Variants in TP53BP2 observed in about 807,000 individuals in gnomAD.
TP53BP2 encodes tumor protein p53 binding protein 2, also known as apoptosis-stimulating of p53 protein 2.
In TP53BP2, 62 loss-of-function variants were observed where a neutral mutation model predicts 126.2. The observed-to-expected ratio is 0.49, with a 90% CI of 0.40 to 0.61. The LOEUF (loss-of-function observed/expected upper bound fraction) is 0.61, where lower values mean the gene tolerates loss of function less well. Ranked by LOEUF, TP53BP2 falls within the 20% of genes least tolerant of loss-of-function variation. The probability of loss-of-function intolerance (pLI) is 0.00; values close to 1 mark genes in which losing one functional copy is unlikely to be tolerated. For synonymous variants in TP53BP2, 485 were observed against 502.9 expected (o/e 0.96, Z 0.48); for missense variants, 1,215 against 1,402.8 (o/e 0.87, Z 2.14).
chr1:223,816,087 A>G (rs1663077838), intron 2 of TP53BP2, among the ~76,000 whole-genome samples: 2 of 152,212 alleles, frequency 1.3e-5, no homozygotes, highest in Non-Finnish European at 2.9e-5. Context: ...CCTATCATTC[A>G]TCATCTCCCC....
At chr1:223,781,734 A>G (rs1661785208) in intron 17 of TP53BP2, among the ~76,000 whole-genome samples, 1 of 152,180 alleles carries the variant, frequency 6.6e-6, no homozygotes, top group Admixed American at 6.5e-5. Flanking sequence ...TCTATCTGAA[A>G]AAAAGACATT....
At position 223,802,595 on chromosome 1, in the gene TP53BP2, T is replaced by C; in HGVS notation, c.996+136A>G. The C allele has an allele frequency of 6.2e-6, 7 of 1,127,530 alleles. No individual in the cohort carries two copies. In the South Asian group the frequency reaches 1.1e-4, roughly 17 times the overall value. 69.8% of individuals were successfully genotyped at this position (1,127,530 alleles called of 1,614,324 possible). Reference sequence around the variant, plus strand: ...AGTAAAAAAGCAGCGGATTGTCTTTTAAGGATCCATAAACAGCATCTGTTT... The same window carrying C: ...AGTAAAAAAGCAGCGGATTGTCTTTCAAGGATCCATAAACAGCATCTGTTT... On this transcript the variant is annotated intron_variant, in intron 8 of 17. Transcript: ENST00000343537.
chr1:223,804,832 G>T (rs976976964), intron 5 of TP53BP2, among the ~76,000 whole-genome samples: 1 of 152,150 alleles, frequency 6.6e-6, no homozygotes, highest in Admixed American at 6.5e-5. Context: ...ATAAAACAGG[G>T]ATGATCAATA....
chr1:223,803,475 AC>A, intron 6 of TP53BP2, 23 bp from the exon 7 acceptor site: 1 of 1,563,426 alleles, frequency 6.4e-7, no homozygotes, highest in Non-Finnish European at 8.7e-7. Context: ...GAGAACAGCA[AC>A]AACAGTTGAA....
chr1:223,805,325 T>C (rs1368903671), intron 5 of TP53BP2, among the ~76,000 whole-genome samples: 2 of 152,174 alleles, frequency 1.3e-5, no homozygotes, highest in Non-Finnish European at 2.9e-5. Context: ...AATTTGTTCT[T>C]CAACAACCAA....
intron 1 of TP53BP2, chr1:223,825,898 A>G (rs1233258946): frequency 6.6e-6 from 1 of 152,258 alleles, no homozygotes; most frequent in East Asian, 1.9e-4. Context: ...ATGGCAAGGG[A>G]AGCGGTTGAT....
intron 1 of TP53BP2, among the ~76,000 whole-genome samples, chr1:223,828,019 T>G (rs1161422089): frequency 6.6e-6 from 1 of 152,226 alleles, no homozygotes; most frequent in African/African-American, 2.4e-5. Context: ...TGAAGCAGTT[T>G]TTATCAGCAT....
intron 1 of TP53BP2, among the ~76,000 whole-genome samples, chr1:223,842,391 G>C (rs998454282): frequency 6.6e-6 from 1 of 152,196 alleles, no homozygotes; most frequent in Non-Finnish European, 1.5e-5. Flanking sequence ...CACATTTGAA[G>C]TGCAGTAGCC....
intron 9 of TP53BP2, among the ~76,000 whole-genome samples, chr1:223,801,208 T>C (rs1013998784): frequency 2.0e-5 from 3 of 152,230 alleles, no homozygotes; most frequent in African/African-American, 7.2e-5. Context: ...GGACTTCAAC[T>C]GCACTCTTTC....
chr1:223,786,101 C>T (rs1661944599), intron 16 of TP53BP2, among the ~76,000 whole-genome samples: 1 of 152,146 alleles, frequency 6.6e-6, no homozygotes, highest in Non-Finnish European at 1.5e-5. Context: ...CTACAGGCAA[C>T]ACGAGTGAAT....
rs375412349 is a variant in TP53BP2, at chr1:223,810,433, C to G, written c.370G>C (p.Gly124Arg). 6.2e-7 allele frequency: 1 copy of G among 1,605,910 alleles called. No homozygotes were observed. The change falls in exon 4 of 18, where the codon GGT (glycine) becomes CGT (arginine). Residue 124 changes from glycine to arginine, a missense_variant and splice_region_variant. By Grantham distance (125) the Gly-to-Arg change is moderately radical. Around this residue, in one of 4 missense-constraint regions of TP53BP2, gnomAD observed 814 missense variants for 853.0 expected, o/e 0.95. Coordinates refer to ENST00000343537, the MANE Select transcript of TP53BP2 (RefSeq NM_001031685.3). Reference protein sequence around the residue: ...VPGEYRRKENGVNSPRMDLTL... With the variant: ...VPGEYRRKENRVNSPRMDLTL... ...TATGGATAAAAACAACAACTTACAC[C>G]GTTCTCCTTTCTTCGATATTCACCA...
At chr1:223,810,654 A>G (rs1463290678) in intron 3 of TP53BP2, 141 bp from the exon 4 acceptor site, 1 of 652,278 alleles carries the variant, frequency 1.5e-6, no homozygotes, top group African/African-American at 1.8e-5. Context: ...TCTAATAGCA[A>G]TGGACTTAAG....
In TP53BP2 at chr1:223,803,301, A is replaced by G. The variant is rs1662593874; in HGVS notation, c.801T>C (p.Ala267=). The change falls in exon 7 of 18, where the codon GCT becomes GCC. Residue 267 remains alanine (A), a synonymous_variant. Transcript: ENST00000343537. ...DSHHDNQSAV[A]ELDRLYKELQ... Reference sequence around the variant, plus strand: ...GCTCCTTATAGAGGCGATCAAGCTCAGCCACTGCAGACTGATTGTCATGGT... The same window carrying G: ...GCTCCTTATAGAGGCGATCAAGCTCGGCCACTGCAGACTGATTGTCATGGT... 1 of 1,612,764 alleles carries G rather than the reference A, an allele frequency of 6.2e-7. No individual in the cohort carries two copies. The highest frequency in any genetic ancestry group is 8.5e-7 in the Non-Finnish European group (1 of 1,179,634).
At chr1:223,795,671 T>C in intron 13 of TP53BP2, 144 bp downstream of exon 13, 2 of 660,736 alleles carry the variant, frequency 3.0e-6, no homozygotes, top group Non-Finnish European at 4.6e-6. Flanking sequence ...ATAAACTGCA[T>C]TATGAAAACA....
chr1:223,784,332 A>C lies in TP53BP2; in HGVS notation c.3164-18T>G. 6.2e-7 allele frequency: 1 copy of C among 1,612,634 alleles called. No homozygotes were observed. The highest frequency in any genetic ancestry group is 2.2e-5 in the East Asian group (1 of 44,862). On this transcript the variant is annotated intron_variant, in intron 16 of 17. Coordinates refer to ENST00000343537, the MANE Select transcript of TP53BP2 (RefSeq NM_001031685.3). ...CTGAACTCCTAAAATCATGACAGTAAGATAAAGCACAGAATATACAACTTG... is the reference window on the plus strand; with the variant it reads ...CTGAACTCCTAAAATCATGACAGTACGATAAAGCACAGAATATACAACTTG...
At chr1:223,782,850 G>A (rs1661819100) in intron 17 of TP53BP2, among the ~76,000 whole-genome samples, 1 of 152,126 alleles carries the variant, frequency 6.6e-6, no homozygotes, top group Non-Finnish European at 1.5e-5. Flanking sequence ...AATGAATACT[G>A]TCTAATCATC....
chr1:223,794,510 C>A (rs1348007765), intron 13 of TP53BP2, among the ~76,000 whole-genome samples: 1 of 152,108 alleles, frequency 6.6e-6, no homozygotes, highest in South Asian at 2.1e-4. Flanking sequence ...AGGTAAGACA[C>A]CTTCCTAGGA....
At chr1:223,802,431 T>G in intron 8 of TP53BP2, 87 bp from the exon 9 acceptor site, 1 of 1,341,284 alleles carries the variant, frequency 7.5e-7, no homozygotes, top group Admixed American at 2.4e-5. Context: ...TTTCTTACTT[T>G]TTAAAATGAG....
chr1:223,808,625 T>C (rs1004808165), intron 4 of TP53BP2, among the ~76,000 whole-genome samples: 7 of 147,744 alleles, frequency 4.7e-5, no homozygotes, highest in African/African-American at 1.8e-4. Context: ...GAGGTAAAAC[T>C]GCAAACTACA....
Sources: gnomAD v4.1 joint callset for allele counts (sites outside exome capture counted in the v4.1 genomes callset) on GRCh38, gnomAD v4.1.1 for gene constraint, gnomAD v4.1.1 regional missense constraint, MANE v1.5 for transcripts, NCBI Gene and HGNC (gene_info 2026-07-23, HGNC 2026-07-21) for gene names.